SMYD3: variants seen among roughly 807,000 people sequenced by gnomAD.
SMYD3 encodes the protein histone-lysine N-methyltransferase SMYD3.
SMYD3 carries 36 observed loss-of-function variants against 57.7 expected under a neutral mutation model. The observed-to-expected ratio is 0.62, with a 90% CI of 0.48 to 0.82. The LOEUF (loss-of-function observed/expected upper bound fraction) is 0.82. Among genes scored for constraint, SMYD3 ranks in the 40% least tolerant of loss-of-function variants. SMYD3 has a pLI of 0.00. For missense variants in SMYD3, 515 were observed against 538.8 expected (o/e 0.96, Z 0.44); for synonymous variants, 211 against 195.0 (o/e 1.08, Z -0.68).
intron 1 of SMYD3, 58 bp downstream of exon 1, chr1:246,506,996 C>CCCCCCCCCCCCCCCCCCCCCCCCA: frequency 1.2e-6 from 1 of 815,826 alleles, no homozygotes; most frequent in East Asian, 5.0e-5. Flanking sequence ...GACGCCCCCC[C>CCCCCCCCCCCCCCCCCCCCCCCCA]CTCCCCAGCA....
rs2147846508 is a variant in SMYD3 at position 245,929,798 on chromosome 1, C to A, written c.599+72G>T. 4.0e-6 allele frequency: 5 copies of A among 1,248,376 alleles called. No homozygotes were observed. The Middle Eastern group carries it at 7.5e-4, about 187-fold the overall frequency. 77.3% of individuals were successfully genotyped at this position (1,248,376 alleles called of 1,614,324 possible). On this transcript the variant is annotated intron_variant, in intron 6 of 11. Transcript: ENST00000490107. ...GCTGCAGCAACTGCCTTTCTAACTA[C>A]CTCCAAAGGGCTGGGGATTTGGGTG...
intron 1 of SMYD3, among the ~76,000 whole-genome samples, chr1:246,392,876 A>G (rs2066595527): frequency 6.6e-6 from 1 of 152,176 alleles, no homozygotes; most frequent in African/African-American, 2.4e-5. Flanking sequence ...GTCAATAAGC[A>G]TATAGAAACA....
At chr1:246,093,827 T>C (rs181598863) in intron 5 of SMYD3, among the ~76,000 whole-genome samples, 1 of 152,206 alleles carries the variant, frequency 6.6e-6, no homozygotes, top group East Asian at 1.9e-4. Context: ...AACAAAGGGT[T>C]CTGTGCATAT....
At chr1:246,181,463 T>C (rs943020131) in intron 5 of SMYD3, among the ~76,000 whole-genome samples, 13 of 152,234 alleles carry the variant, frequency 8.5e-5, no homozygotes, top group Non-Finnish European at 1.5e-4. Flanking sequence ...GTAATGGCAG[T>C]ACATCTGACA....
intron 11 of SMYD3, among the ~76,000 whole-genome samples, chr1:245,759,462 A>G (rs927785678): frequency 4.6e-5 from 7 of 152,222 alleles, no homozygotes; most frequent in African/African-American, 1.7e-4. Flanking sequence ...GGTTGTGTAT[A>G]TTTAACTTTT....
At chr1:246,450,939 G>A (rs1437438985) in intron 1 of SMYD3, among the ~76,000 whole-genome samples, 1 of 152,196 alleles carries the variant, frequency 6.6e-6, no homozygotes, top group Non-Finnish European at 1.5e-5. Flanking sequence ...CAGTGTACAT[G>A]ACTCTACCAC....
chr1:245,881,324 G>GT (rs2052766075), intron 8 of SMYD3, among the ~76,000 whole-genome samples: 2 of 152,170 alleles, frequency 1.3e-5, no homozygotes, highest in Non-Finnish European at 2.9e-5. Flanking sequence ...CCAACGGGTG[G>GT]TTTACATGTG....
chr1:246,398,615 G>A (rs2066714707), intron 1 of SMYD3, among the ~76,000 whole-genome samples: 1 of 152,174 alleles, frequency 6.6e-6, no homozygotes, highest in Non-Finnish European at 1.5e-5. Context: ...ATGTACAATG[G>A]TAAACAGTAC....
At chr1:246,272,321 AT>A (rs2064238378) in intron 5 of SMYD3, among the ~76,000 whole-genome samples, 1 of 152,186 alleles carries the variant, frequency 6.6e-6, no homozygotes, top group Non-Finnish European at 1.5e-5. Flanking sequence ...AGTATGTTGA[AT>A]AGAAGTGGTG....
chr1:246,354,921 G>T, intron 2 of SMYD3, 110 bp downstream of exon 2: 1 of 944,112 alleles, frequency 1.1e-6, no homozygotes, highest in Non-Finnish European at 1.7e-6. Flanking sequence ...ACAAGTAAAA[G>T]TAAATTAAAG....
At chr1:246,289,275 T>A (rs983625342) in intron 5 of SMYD3, among the ~76,000 whole-genome samples, 1 of 152,240 alleles carries the variant, frequency 6.6e-6, no homozygotes. Context: ...AGAATGCCAA[T>A]GCATTTGACT....
Position 246,076,848 on chromosome 1 carries a change from C to T in SMYD3, c.532-146911G>A, listed in dbSNP as rs181708960. ...ATCATTTGCCAGGCATAGAAGAAGA[C>T]GAGATAAATAAGATGGCCCCTTATC... On this transcript the variant is annotated intron_variant, in intron 5 of 11. Coordinates refer to ENST00000490107, the MANE Select transcript of SMYD3 (RefSeq NM_001167740.2). 1.9e-3 allele frequency among the ~76,000 whole-genome samples: 292 copies of T among 151,954 alleles called. 2 individuals are homozygous for T. The highest frequency in any genetic ancestry group is 9.1e-3 in the Admixed American group (139 of 15,280).
chr1:245,902,862 A>C (rs75228218), intron 8 of SMYD3, among the ~76,000 whole-genome samples: 1 of 152,150 alleles, frequency 6.6e-6, no homozygotes, highest in South Asian at 2.1e-4. Flanking sequence ...GTCATTCTCT[A>C]TGAAAGCCAA....
rs534361147 is a variant in SMYD3 at position 245,750,491 on chromosome 1, A to G, written c.1186-827T>C. On this transcript the variant is annotated intron_variant, in intron 11 of 11. Transcript: ENST00000490107. ...AGACGATTCCAGCACCCAGCTGAAG[A>G]CTGCCAGATCTGTCTTCCCAGATGA... Among the ~76,000 whole-genome samples the G allele has an allele frequency of 2.1e-3, 313 of 152,316 alleles. 1 individual carries two copies. The highest frequency in any genetic ancestry group is 3.4e-3 in the Middle Eastern group (1 of 294).
At chr1:246,070,948 A>G (rs192863181) in intron 5 of SMYD3, among the ~76,000 whole-genome samples, 14 of 152,370 alleles carry the variant, frequency 9.2e-5, no homozygotes, top group Admixed American at 4.6e-4. Flanking sequence ...ATAAATTTTA[A>G]TTCTATTCTA....
intron 5 of SMYD3, among the ~76,000 whole-genome samples, chr1:245,939,359 T>C (rs924721665): frequency 6.6e-6 from 1 of 152,070 alleles, no homozygotes; most frequent in Non-Finnish European, 1.5e-5. Flanking sequence ...GGCACCATGG[T>C]TCACACCTGT....
intron 5 of SMYD3, among the ~76,000 whole-genome samples, chr1:246,185,550 C>T (rs1303401884): frequency 6.6e-6 from 1 of 150,852 alleles, no homozygotes; most frequent in Admixed American, 6.6e-5. Flanking sequence ...CAAGCTCCGC[C>T]TCCCGGGTTC....
At chr1:246,243,506 A>G (rs1014684920) in intron 5 of SMYD3, among the ~76,000 whole-genome samples, 5 of 150,264 alleles carry the variant, frequency 3.3e-5, no homozygotes, top group Admixed American at 6.9e-5. Flanking sequence ...CTTAACTATC[A>G]CCTGCCTCTG....
In SMYD3 at chr1:246,074,711, G is replaced by GA. The variant is rs201726428; in HGVS notation, c.532-144775dup. 8.1e-3 allele frequency among the ~76,000 whole-genome samples: 1,228 copies of GA among 152,206 alleles called. 20 individuals carry two copies. The highest frequency in any genetic ancestry group is 0.028 in the African/African-American group (1,179 of 41,532). The stretch of plus-strand genomic sequence containing the variant: ...TAAAGAAACAAAAGGAAAGTGACAG[G>GA]AAAAAAATCCCAGTGAGGGCCAGAG... On this transcript the variant is annotated intron_variant, in intron 5 of 11. Coordinates refer to ENST00000490107, the MANE Select transcript of SMYD3 (RefSeq NM_001167740.2).
Sources: gnomAD v4.1 joint callset for allele counts (sites outside exome capture counted in the v4.1 genomes callset) on GRCh38, gnomAD v4.1.1 for gene constraint, MANE v1.5 for transcripts, NCBI Gene and HGNC (gene_info 2026-07-23, HGNC 2026-07-21) for gene names.